Variants in KHDRBS2 observed in about 807,000 individuals in gnomAD.
KHDRBS2 encodes the protein KH domain-containing, RNA-binding, signal transduction-associated protein 2.
KHDRBS2 carries 26 observed loss-of-function variants against 44.3 expected under a neutral mutation model. That is an observed-to-expected ratio of 0.59 (90% CI 0.43 to 0.81). The LOEUF (loss-of-function observed/expected upper bound fraction) is 0.81, where lower values mean the gene tolerates loss of function less well. KHDRBS2 is among the 40% of genes least tolerant of loss of function. The probability of loss-of-function intolerance (pLI) is 0.00; values close to 1 mark genes in which losing one functional copy is unlikely to be tolerated. For missense variants in KHDRBS2, 476 were observed against 433.1 expected (o/e 1.10, Z -0.88); for synonymous variants, 194 against 151.1 (o/e 1.28, Z -2.08).
At chr6:62,094,237 GAAGT>G (rs1800099109) in intron 2 of KHDRBS2, among the ~76,000 whole-genome samples, 1 of 151,820 alleles carries the variant, frequency 6.6e-6, no homozygotes, top group South Asian at 2.1e-4. Context: ...CATTCTAACA[GAAGT>G]AAGGGGTATC....
chr6:62,206,282 A>G (rs763448352), intron 1 of KHDRBS2, among the ~76,000 whole-genome samples: 2 of 152,120 alleles, frequency 1.3e-5, no homozygotes, highest in Non-Finnish European at 2.9e-5. Context: ...GTTTATGCAC[A>G]AACAGGTCAT....
chr6:62,070,946 A>G (rs906352121), intron 2 of KHDRBS2, among the ~76,000 whole-genome samples: 16 of 152,174 alleles, frequency 1.1e-4, no homozygotes, highest in African/African-American at 3.6e-4. Flanking sequence ...ACTAGTTTAC[A>G]GTCCCACCAA....
chr6:61,557,665 T>A, the KHDRBS2 span, among the ~76,000 whole-genome samples: 1 of 152,214 alleles, frequency 6.6e-6, no homozygotes, highest in East Asian at 1.9e-4. Context: ...AGTTTGGAAG[T>A]ATTCTCTTCT....
intron 5 of KHDRBS2, 105 bp from the exon 6 acceptor site, chr6:61,894,938 C>T: frequency 1.4e-6 from 1 of 707,410 alleles, no homozygotes; most frequent in Admixed American, 2.8e-5. Flanking sequence ...GAAATAAATA[C>T]AAATTTCTCT....
intron 6 of KHDRBS2, among the ~76,000 whole-genome samples, chr6:61,889,590 C>T (rs113749134): frequency 0.016 from 1,440 of 90,376 alleles, 10 homozygotes; most frequent in Middle Eastern, 0.046. Context: ...CTCCATCATC[C>T]TGTCATGGGG....
intron 2 of KHDRBS2, among the ~76,000 whole-genome samples, chr6:62,126,292 C>T (rs1171111660): frequency 3.3e-5 from 5 of 152,142 alleles, no homozygotes; most frequent in African/African-American, 9.7e-5. Context: ...GTGGGCAGAA[C>T]TTTATCTTGT....
chr6:61,717,563 G>C (rs1441006101), intron 7 of KHDRBS2, among the ~76,000 whole-genome samples: 1 of 152,014 alleles, frequency 6.6e-6, no homozygotes, highest in Non-Finnish European at 1.5e-5. Flanking sequence ...AGACATTAGA[G>C]AAATAAATTA....
chr6:61,711,861 C>T (rs1335136044), intron 7 of KHDRBS2, among the ~76,000 whole-genome samples: 1 of 151,814 alleles, frequency 6.6e-6, no homozygotes, highest in Non-Finnish European at 1.5e-5. Flanking sequence ...CAGTTTGTTA[C>T]TGGTATAGTA....
chr6:61,634,738 G>A, the KHDRBS2 span, among the ~76,000 whole-genome samples: 12 of 152,052 alleles, frequency 7.9e-5, no homozygotes, highest in African/African-American at 2.9e-4. Context: ...TTTAATCAGT[G>A]TATTAATATT....
the KHDRBS2 span, among the ~76,000 whole-genome samples, chr6:61,578,908 G>T: frequency 5.9e-5 from 9 of 152,050 alleles, no homozygotes; most frequent in African/African-American, 1.7e-4. Context: ...CTTTCCATGG[G>T]ATTTACATGT....
At chr6:62,104,384 T>C (rs1348477375) in intron 2 of KHDRBS2, among the ~76,000 whole-genome samples, 1 of 152,170 alleles carries the variant, frequency 6.6e-6, no homozygotes, top group African/African-American at 2.4e-5. Flanking sequence ...GCTGGTGCAC[T>C]GCACCCACTA....
At chr6:61,648,008 T>TA in the KHDRBS2 span, among the ~76,000 whole-genome samples, 2 of 151,840 alleles carry the variant, frequency 1.3e-5, no homozygotes, top group South Asian at 2.1e-4. Flanking sequence ...TAAATAAAAG[T>TA]AAAAAAATAA....
At chr6:62,242,627 C>G (rs149177790) in intron 1 of KHDRBS2, among the ~76,000 whole-genome samples, 165 of 151,648 alleles carry the variant, frequency 1.1e-3, no homozygotes, top group African/African-American at 2.4e-3. Flanking sequence ...ACAAGAAAAT[C>G]TTAATTTAAA....
intron 3 of KHDRBS2, among the ~76,000 whole-genome samples, chr6:62,041,237 A>T (rs578024861): frequency 1.3e-5 from 2 of 152,220 alleles, no homozygotes; most frequent in African/African-American, 4.8e-5. Context: ...AGTCTGAGGC[A>T]GGAGAATCAC....
At chr6:62,224,139 AG>A (rs1334010576) in intron 1 of KHDRBS2, among the ~76,000 whole-genome samples, 11 of 152,142 alleles carry the variant, frequency 7.2e-5, no homozygotes, top group Non-Finnish European at 1.6e-4. Context: ...ATGGCTGGGG[AG>A]GCCTCAGAAT....
At chr6:61,592,161 A>G in the KHDRBS2 span, among the ~76,000 whole-genome samples, 25 of 144,044 alleles carry the variant, frequency 1.7e-4, no homozygotes, top group Non-Finnish European at 3.7e-4. Flanking sequence ...GCTGCACTCC[A>G]GCCTGGGTGA....
At chr6:62,206,344 T>C (rs1486918998) in intron 1 of KHDRBS2, among the ~76,000 whole-genome samples, 3 of 152,106 alleles carry the variant, frequency 2.0e-5, no homozygotes, top group Non-Finnish European at 4.4e-5. Flanking sequence ...GTAGCTTTTC[T>C]CAAAACGTTC....
rs1416749252 is a variant in KHDRBS2 at position 61,906,537 on chromosome 6, T to TC, written c.484-5167dup. On this transcript the variant is annotated intron_variant, in intron 4 of 8. Coordinates refer to ENST00000281156, the MANE Select transcript of KHDRBS2 (RefSeq NM_152688.4). ...TTTGCACCCATTAACCATCCCAACTTCCCCCCCTCCTTCCCACTATTCTTC... is the reference window on the plus strand; with the variant it reads ...TTTGCACCCATTAACCATCCCAACTTCCCCCCCCTCCTTCCCACTATTCTTC... Among the ~76,000 whole-genome samples, 7 of 151,922 alleles carry TC rather than the reference T, an allele frequency of 4.6e-5. No homozygotes were observed. In the East Asian group the frequency reaches 1.4e-3, roughly 29 times the overall value.
intron 7 of KHDRBS2, among the ~76,000 whole-genome samples, chr6:61,710,124 C>A (rs756072927): frequency 1.3e-5 from 2 of 151,434 alleles, no homozygotes; most frequent in Non-Finnish European, 3.0e-5. Flanking sequence ...TTTAAATGAC[C>A]AGAGTCTGGG....
Sources: allele counts gnomAD v4.1 joint callset (sites outside exome capture counted in the v4.1 genomes callset), GRCh38; gene constraint gnomAD v4.1.1; transcripts MANE v1.5; gene names NCBI Gene and HGNC (gene_info 2026-07-23, HGNC 2026-07-21).